The following PTPRT variants were observed in gnomAD, a reference collection of about 807,000 sequenced individuals.
PTPRT encodes the protein receptor-type tyrosine-protein phosphatase T.
Under a neutral mutation model 176.8 loss-of-function variants are expected in PTPRT, and 56 were observed. That is an observed-to-expected ratio of 0.32 (90% CI 0.26 to 0.40). The LOEUF (loss-of-function observed/expected upper bound fraction) is 0.40. Among genes scored for constraint, PTPRT ranks in the 10% least tolerant of loss-of-function variants. The pLI is 1.00. For missense variants in PTPRT, 1,540 were observed against 1,908.2 expected, an observed-to-expected ratio of 0.81 and a Z score of 3.60; for synonymous variants, 783 against 739.0, an observed-to-expected ratio of 1.06 and a Z score of -0.96.
chr20:42,217,561 T>C (rs183290019), intron 15 of PTPRT, among the ~76,000 whole-genome samples: 42 of 152,316 alleles, frequency 2.8e-4, no homozygotes, highest in Admixed American at 1.9e-3. Flanking sequence ...ACATGTATCA[T>C]GTAGGTACCA....
the PTPRT span, among the ~76,000 whole-genome samples, chr20:42,067,582 T>C: frequency 6.6e-6 from 1 of 152,140 alleles, no homozygotes; most frequent in Non-Finnish European, 1.5e-5. Flanking sequence ...TTACTGTCTA[T>C]TGGGTAGGCT....
At chr20:42,890,684 G>T (rs547573880) in intron 1 of PTPRT, among the ~76,000 whole-genome samples, 1 of 152,218 alleles carries the variant, frequency 6.6e-6, no homozygotes, top group African/African-American at 2.4e-5. Context: ...ATCTGTCTTG[G>T]AGCAATTCCT....
rs988320069 is a variant in PTPRT, at chr20:43,025,494, G to A, written c.89-139562C>T. 1.6e-4 allele frequency among the ~76,000 whole-genome samples: 25 copies of A among 152,286 alleles called. 1 individual carries two copies. Among genetic ancestry groups the A allele is most frequent in the South Asian group, 1.0e-3 (5 of 4,826 alleles). ...CCTGAGGGTTGGAGTTGGAGGACAC[G>A]TTCTCAACATCTAGCCTAATTTCCT... On this transcript the variant is annotated intron_variant, in intron 1 of 30. Transcript: ENST00000373187.
At chr20:42,544,970 T>C (rs1601236416) in intron 7 of PTPRT, among the ~76,000 whole-genome samples, 1 of 152,178 alleles carries the variant, frequency 6.6e-6, no homozygotes, top group South Asian at 2.1e-4. Context: ...GGGTCTTCTA[T>C]GGCTGTACAC....
intron 2 of PTPRT, among the ~76,000 whole-genome samples, chr20:42,883,281 A>G (rs759475060): frequency 6.6e-5 from 10 of 152,222 alleles, no homozygotes; most frequent in Non-Finnish European, 1.2e-4. Flanking sequence ...GGAAACAGAC[A>G]ATGGTTGTGT....
the PTPRT span, among the ~76,000 whole-genome samples, chr20:42,048,903 C>A: frequency 6.6e-6 from 1 of 152,150 alleles, no homozygotes; most frequent in Non-Finnish European, 1.5e-5. Flanking sequence ...CTCACTGCAA[C>A]CTCTGCCTCC....
intron 21 of PTPRT, among the ~76,000 whole-genome samples, chr20:42,117,659 G>A (rs533161456): frequency 6.6e-6 from 1 of 152,166 alleles, no homozygotes; most frequent in Non-Finnish European, 1.5e-5. Flanking sequence ...TGAAGGGTGC[G>A]AGTGATATTG....
intron 14 of PTPRT, among the ~76,000 whole-genome samples, chr20:42,239,734 T>C (rs1038039297): frequency 2.0e-5 from 3 of 152,138 alleles, no homozygotes; most frequent in Admixed American, 2.0e-4. Flanking sequence ...TAGCTCATGT[T>C]CTTGACCTCA....
intron 2 of PTPRT, among the ~76,000 whole-genome samples, chr20:42,808,278 C>T (rs1423262169): frequency 6.6e-6 from 1 of 152,210 alleles, no homozygotes; most frequent in Non-Finnish European, 1.5e-5. Context: ...CACTCATCTC[C>T]ATCTCTGATT....
intron 7 of PTPRT, among the ~76,000 whole-genome samples, chr20:42,646,570 T>C (rs933057663): frequency 2.0e-5 from 3 of 152,130 alleles, no homozygotes; most frequent in Non-Finnish European, 4.4e-5. Flanking sequence ...TCATTAAAAT[T>C]AAATAAAATT....
intron 7 of PTPRT, among the ~76,000 whole-genome samples, chr20:42,669,501 T>C (rs2075377461): frequency 6.6e-6 from 1 of 152,184 alleles, no homozygotes; most frequent in African/African-American, 2.4e-5. Context: ...GGAGGTTAGA[T>C]GTCTGTGTTC....
intron 7 of PTPRT, among the ~76,000 whole-genome samples, chr20:42,620,228 GGGGTGCCTCCCAGTTA>G (rs958989658): frequency 2.0e-5 from 3 of 150,156 alleles, no homozygotes; most frequent in Non-Finnish European, 4.4e-5. Flanking sequence ...CCCCTGCTGG[GGGGTGCCTCCCAGTTA>G]GGCTGCTCGG....
intron 16 of PTPRT, among the ~76,000 whole-genome samples, chr20:42,176,210 A>AC (rs1180436391): frequency 1.3e-5 from 2 of 152,066 alleles, no homozygotes; most frequent in Non-Finnish European, 2.9e-5. Flanking sequence ...TCCACCCTCC[A>AC]CCTTGTTGAT....
intron 7 of PTPRT, among the ~76,000 whole-genome samples, chr20:42,589,347 G>C (rs1484575648): frequency 6.6e-6 from 1 of 152,174 alleles, no homozygotes; most frequent in African/African-American, 2.4e-5. Context: ...CCATTAGCAA[G>C]AGGTACCTCT....
chr20:42,048,723 G>C, the PTPRT span, among the ~76,000 whole-genome samples: 1 of 152,138 alleles, frequency 6.6e-6, no homozygotes, highest in African/African-American at 2.4e-5. Context: ...AGGCATGAAG[G>C]GGTATGACAA....
At position 42,391,101 on chromosome 20, in the gene PTPRT, G is replaced by T. The variant is rs185944507; in HGVS notation, c.1561-38816C>A. ...GGGTGAGTTATTAATGAATTAAGAG[G>T]TATTTGAGAATTTTTTAGAGGAAAG... On this transcript the variant is annotated intron_variant, in intron 9 of 30. Coordinates refer to ENST00000373187, the MANE Select transcript of PTPRT (RefSeq NM_007050.6). Among the ~76,000 whole-genome samples, 254 of 152,300 alleles carry T rather than the reference G, an allele frequency of 1.7e-3. 3 individuals carry two copies. The highest frequency in any genetic ancestry group is 4.7e-3 in the African/African-American group (194 of 41,574).
At chr20:42,822,778 A>G (rs2077919468) in intron 2 of PTPRT, among the ~76,000 whole-genome samples, 4 of 152,222 alleles carry the variant, frequency 2.6e-5, no homozygotes, top group Non-Finnish European at 5.9e-5. Flanking sequence ...TTACGCAGCC[A>G]ACAAACATGA....
chr20:42,301,164 G>T (rs1049666060), intron 12 of PTPRT, among the ~76,000 whole-genome samples: 2 of 152,108 alleles, frequency 1.3e-5, no homozygotes, highest in Non-Finnish European at 2.9e-5. Flanking sequence ...AACCTTAATG[G>T]ACAACAGTTT....
intron 3 of PTPRT, among the ~76,000 whole-genome samples, chr20:42,785,971 G>A (rs1271477923): frequency 1.3e-5 from 2 of 152,200 alleles, no homozygotes; most frequent in Admixed American, 1.3e-4. Flanking sequence ...GACGAACGTG[G>A]TGGGAGGTGA....
Sources: gnomAD v4.1 joint callset for allele counts (sites outside exome capture counted in the v4.1 genomes callset) on GRCh38, gnomAD v4.1.1 for gene constraint, MANE v1.5 for transcripts, NCBI Gene and HGNC (gene_info 2026-07-23, HGNC 2026-07-21) for gene names.